ZBTB16: variants seen among roughly 807,000 people sequenced by gnomAD.
ZBTB16 encodes the protein zinc finger and BTB domain containing 16.
In ZBTB16, 8 loss-of-function variants were observed where a neutral mutation model predicts 56.8. The observed-to-expected ratio is 0.14, with a 90% CI of 0.08 to 0.25. The LOEUF is 0.25. Ranked by LOEUF, ZBTB16 falls within the 10% of genes least tolerant of loss-of-function variation. ZBTB16 has a pLI of 1.00. For synonymous variants in ZBTB16, 363 were observed against 368.5 expected, an observed-to-expected ratio of 0.98 and a Z score of 0.17; for missense variants, 625 against 903.0, an observed-to-expected ratio of 0.69 and a Z score of 3.95.
chr11:114,142,520 C>T (rs1002966432), intron 2 of ZBTB16, among the ~76,000 whole-genome samples: 5 of 152,208 alleles, frequency 3.3e-5, no homozygotes, highest in African/African-American at 9.6e-5. Context: ...TCAACATATG[C>T]GCTGTTGACA....
chr11:114,182,445 C>A (rs969693753), intron 3 of ZBTB16, among the ~76,000 whole-genome samples: 1 of 152,172 alleles, frequency 6.6e-6, no homozygotes, highest in African/African-American at 2.4e-5. Context: ...CCATCTTGAA[C>A]ATAAACTCCC....
At chr11:114,176,006 C>T (rs199693906) in intron 3 of ZBTB16, among the ~76,000 whole-genome samples, 17 of 146,770 alleles carry the variant, frequency 1.2e-4, no homozygotes, top group Middle Eastern at 3.5e-3. Flanking sequence ...TGTGTGCGTG[C>T]GTGTGTGTGT....
At chr11:114,118,574 A>C (rs1237857213) in intron 2 of ZBTB16, among the ~76,000 whole-genome samples, 1 of 152,146 alleles carries the variant, frequency 6.6e-6, no homozygotes, top group Non-Finnish European at 1.5e-5. Flanking sequence ...TTATTTACCT[A>C]TCTATCAGTC....
intron 2 of ZBTB16, among the ~76,000 whole-genome samples, chr11:114,072,924 C>T (rs1310212745): frequency 2.0e-5 from 3 of 151,834 alleles, no homozygotes; most frequent in South Asian, 2.1e-4. Context: ...TGGTGGGGGG[C>T]GCCTGTAGTC....
chr11:114,148,461 C>CTT lies in ZBTB16; in HGVS notation c.1269-7875_1269-7874insTT, dbSNP rs1481867050. ...TTTCTCTCTCTCTGTCTGTCTGTCT[C>CTT]TCTCTCTCTCTTTCTTTCTTTCTTT... On this transcript the variant is annotated intron_variant, in intron 2 of 6. Transcript: ENST00000335953. 5.4e-3 allele frequency among the ~76,000 whole-genome samples: 256 copies of CTT among 47,170 alleles called. 25 individuals carry two copies. Among genetic ancestry groups the CTT allele is most frequent in the Middle Eastern group, 0.027 (2 of 74 alleles). 30.9% of individuals were successfully genotyped at this position (47,170 alleles called of 152,430 possible).
At chr11:114,247,457 G>T (rs1944837735) in intron 6 of ZBTB16, 92 bp downstream of exon 6, 3 of 1,554,626 alleles carry the variant, frequency 1.9e-6, no homozygotes, top group African/African-American at 1.4e-5. Context: ...AAGTGAGGAT[G>T]ATCCCAGGCT....
intron 2 of ZBTB16, among the ~76,000 whole-genome samples, chr11:114,148,437 T>TCTGTCTGTCCCTCTCTC (rs1565651872): frequency 1.9e-5 from 1 of 53,852 alleles, no homozygotes; most frequent in Admixed American, 2.1e-4. Flanking sequence ...CTCTCTCTCT[T>TCTGTCTGTCCCTCTCTC]TCTCTCTCTC....
At chr11:114,190,205 T>C (rs892476449) in intron 4 of ZBTB16, among the ~76,000 whole-genome samples, 1 of 152,186 alleles carries the variant, frequency 6.6e-6, no homozygotes, top group Non-Finnish European at 1.5e-5. Flanking sequence ...AGTTTCTTCA[T>C]GGAGTGATGA....
At chr11:114,202,339 A>C (rs1280307404) in intron 4 of ZBTB16, among the ~76,000 whole-genome samples, 2 of 152,128 alleles carry the variant, frequency 1.3e-5, no homozygotes, top group African/African-American at 4.8e-5. Context: ...TGGAATACAA[A>C]ACTGCCCTCG....
chr11:114,212,841 AC>A (rs1216843437), intron 4 of ZBTB16, among the ~76,000 whole-genome samples: 2 of 151,892 alleles, frequency 1.3e-5, no homozygotes, highest in African/African-American at 4.8e-5. Flanking sequence ...GTCCGTGCTC[AC>A]GTGTGCCGGA....
Position 114,143,567 on chromosome 11 carries a change from T to C in ZBTB16, c.1269-12770T>C, listed in dbSNP as rs926753394. ...AGATTACACAAAAATGTAGAAAAAATACGCTAGTGACAGGTCCTCCCTCCA... is the reference window on the plus strand; with the variant it reads ...AGATTACACAAAAATGTAGAAAAAACACGCTAGTGACAGGTCCTCCCTCCA... On this transcript the variant is annotated intron_variant, in intron 2 of 6. Transcript: ENST00000335953. The surrounding 1 kb of genome is among the most constrained non-coding windows in gnomAD (Gnocchi z 6.4). Among the ~76,000 whole-genome samples, 1 of 152,058 alleles carries C rather than the reference T, an allele frequency of 6.6e-6. No homozygotes were observed. Among genetic ancestry groups the C allele is most frequent in the Non-Finnish European group, 1.5e-5 (1 of 68,004 alleles).
chr11:114,255,458 A>C lies in ZBTB16; in HGVS notation c.*4903A>C. Among the ~76,000 whole-genome samples the C allele has an allele frequency of 7.5e-5, 11 of 145,928 alleles. No homozygotes were observed. The highest frequency in any genetic ancestry group is 4.0e-4 in the East Asian group (2 of 4,974). On this transcript the variant is annotated 3_prime_UTR_variant, in exon 7 of 7. Coordinates refer to ENST00000335953, the MANE Select transcript of ZBTB16 (RefSeq NM_006006.6). ...CCCACCTCTCACCCTTGCCCTCTCCATCTCCCTCTCCCGCCCTCCCCTCCT... is the reference window on the plus strand; with the variant it reads ...CCCACCTCTCACCCTTGCCCTCTCCCTCTCCCTCTCCCGCCCTCCCCTCCT...
rs1433271675 is a variant in ZBTB16, at chr11:114,156,195, G to A, written c.1269-142G>A. ...TGATTTACGCTGTCTGAGGATCCAG[G>A]GATGTGTTTCCATCGGTGCCCTCCT... On this transcript the variant is annotated intron_variant, in intron 2 of 6. Transcript: ENST00000335953. The A allele has an allele frequency of 1.0e-5, 8 of 770,080 alleles. No homozygotes were observed. The Admixed American group carries it at 1.6e-4, about 15-fold the overall frequency. 47.7% of individuals were successfully genotyped at this position (770,080 alleles called of 1,614,324 possible). A position where few individuals can be genotyped will look rare whatever the true frequency, so the allele number is the denominator to read the frequency against.
chr11:114,155,764 T>A (rs1942393924), intron 2 of ZBTB16, among the ~76,000 whole-genome samples: 1 of 152,170 alleles, frequency 6.6e-6, no homozygotes, highest in Non-Finnish European at 1.5e-5. Flanking sequence ...GTCATTGCAG[T>A]CCTAAGAACA....
At chr11:114,117,897 ATG>A (rs1190611573) in intron 2 of ZBTB16, among the ~76,000 whole-genome samples, 1 of 152,152 alleles carries the variant, frequency 6.6e-6, no homozygotes, top group East Asian at 1.9e-4. Flanking sequence ...ACCTTCATTC[ATG>A]TGTGTGCTGA....
chr11:114,112,399 A>G (rs1941035705), intron 2 of ZBTB16, among the ~76,000 whole-genome samples: 2 of 152,304 alleles, frequency 1.3e-5, no homozygotes, highest in East Asian at 1.9e-4. Flanking sequence ...AAGTATTTGG[A>G]TAATGAGAGA....
chr11:114,186,494 T>C (rs998464802), intron 3 of ZBTB16, among the ~76,000 whole-genome samples: 3 of 151,814 alleles, frequency 2.0e-5, no homozygotes, highest in Non-Finnish European at 2.9e-5. Context: ...AGACGATGAG[T>C]TTAGTTTTGG....
At chr11:114,161,633 C>T (rs922539648) in intron 3 of ZBTB16, among the ~76,000 whole-genome samples, 10 of 152,140 alleles carry the variant, frequency 6.6e-5, no homozygotes, top group South Asian at 2.1e-4. Flanking sequence ...GTGTAACCTG[C>T]GAGTGTAGGC....
In ZBTB16 at chr11:114,137,336, C is replaced by T. The variant is rs142996452; in HGVS notation, c.1269-19001C>T. On this transcript the variant is annotated intron_variant, in intron 2 of 6. Coordinates refer to ENST00000335953, the MANE Select transcript of ZBTB16 (RefSeq NM_006006.6). ...GTCTTCCCACTCATACCGCTGCCCT[C>T]TCCCTAGCTCTCAGGAGGAAGAGCT... 7.6e-4 allele frequency among the ~76,000 whole-genome samples: 115 copies of T among 152,304 alleles called. No homozygotes were observed. In the East Asian group the frequency reaches 0.022, roughly 29 times the overall value.
Sources: gnomAD v4.1 joint callset for allele counts (sites outside exome capture counted in the v4.1 genomes callset) on GRCh38, gnomAD v4.1.1 for gene constraint, Gnocchi (gnomAD v3.1) non-coding constraint, MANE v1.5 for transcripts, NCBI Gene and HGNC (gene_info 2026-07-23, HGNC 2026-07-21) for gene names.